The following ARB2A variants were observed in gnomAD, a reference collection of about 807,000 sequenced individuals.
The protein encoded by ARB2A is ARB2 cotranscriptional regulator A, also known as cotranscriptional regulator ARB2A.
At chr5:93,715,014 T>C in the ARB2A span, among the ~76,000 whole-genome samples, 78 of 152,308 alleles carry the variant, frequency 5.1e-4, no homozygotes, top group Admixed American at 9.8e-4. Flanking sequence ...TGCCTATATA[T>C]CCACAATATT....
the ARB2A span, among the ~76,000 whole-genome samples, chr5:94,110,174 C>T: frequency 2.0e-5 from 3 of 152,096 alleles, no homozygotes; most frequent in East Asian, 3.9e-4. Context: ...CGTGAGCCAC[C>T]GCGCCCTGCC....
At chr5:93,881,691 G>A in the ARB2A span, 1 of 1,479,674 alleles carries the variant, frequency 6.8e-7, no homozygotes, top group Admixed American at 2.4e-5. Flanking sequence ...TATCCTTCCT[G>A]TTTTGAAATG....
the ARB2A span, among the ~76,000 whole-genome samples, chr5:93,875,230 T>C: frequency 6.6e-6 from 1 of 152,036 alleles, no homozygotes; most frequent in Non-Finnish European, 1.5e-5. Context: ...CTCAGGTCTA[T>C]CGGACTGCTT....
the ARB2A span, among the ~76,000 whole-genome samples, chr5:93,899,172 T>A: frequency 6.6e-6 from 1 of 152,126 alleles, no homozygotes. Flanking sequence ...ATTAACTCTG[T>A]AATGACCATA....
the ARB2A span, among the ~76,000 whole-genome samples, chr5:93,939,472 G>T: frequency 6.6e-6 from 1 of 151,920 alleles, no homozygotes; most frequent in Non-Finnish European, 1.5e-5. Flanking sequence ...GAATTTAAAA[G>T]GATTATTTTA....
chr5:93,698,867 G>T, the ARB2A span, among the ~76,000 whole-genome samples: 1 of 152,170 alleles, frequency 6.6e-6, no homozygotes, highest in African/African-American at 2.4e-5. Flanking sequence ...AATAGATACT[G>T]CACAGTAACA....
the ARB2A span, chr5:93,741,375 A>T: frequency 6.2e-7 from 1 of 1,612,224 alleles, no homozygotes; most frequent in East Asian, 2.2e-5. Context: ...GACCCAGGGG[A>T]ATCCTCCACA....
chr5:94,087,081 T>C, the ARB2A span, among the ~76,000 whole-genome samples: 2 of 152,116 alleles, frequency 1.3e-5, no homozygotes, highest in Non-Finnish European at 2.9e-5. Context: ...ATCCTGACCC[T>C]GGGTAGGCCT....
At chr5:93,681,257 C>T in the ARB2A span, among the ~76,000 whole-genome samples, 5 of 152,170 alleles carry the variant, frequency 3.3e-5, no homozygotes, top group African/African-American at 4.8e-5. Flanking sequence ...TCTGAAACAA[C>T]GCGTCCTACA....
At chr5:93,766,988 A>C in the ARB2A span, among the ~76,000 whole-genome samples, 2 of 142,792 alleles carry the variant, frequency 1.4e-5, no homozygotes, top group Admixed American at 7.1e-5. Flanking sequence ...GCATTGAACA[A>C]TGAGAACACA....
the ARB2A span, among the ~76,000 whole-genome samples, chr5:94,101,536 A>T: frequency 6.6e-6 from 1 of 152,320 alleles, no homozygotes; most frequent in African/African-American, 2.4e-5. Context: ...TATGGAATCA[A>T]CCTAAATGCC....
At chr5:94,020,284 G>A in the ARB2A span, among the ~76,000 whole-genome samples, 3 of 151,948 alleles carry the variant, frequency 2.0e-5, no homozygotes, top group African/African-American at 7.3e-5. Flanking sequence ...TGGTGGGTAG[G>A]GGGCTGGGGA....
chr5:93,797,971 G>T, the ARB2A span, among the ~76,000 whole-genome samples: 1 of 152,028 alleles, frequency 6.6e-6, no homozygotes, highest in Non-Finnish European at 1.5e-5. Flanking sequence ...GGAGGAGAGT[G>T]AATGACATTT....
the ARB2A span, among the ~76,000 whole-genome samples, chr5:93,762,459 A>G: frequency 1.3e-5 from 2 of 152,240 alleles, no homozygotes; most frequent in Admixed American, 6.5e-5. Flanking sequence ...CAGTGATGGA[A>G]GATCAAATGA....
the ARB2A span, chr5:93,740,944 T>A: frequency 9.3e-6 from 15 of 1,613,872 alleles, no homozygotes; most frequent in Admixed American, 1.7e-5. Context: ...CCCAGACTGT[T>A]GCAGGATCAT....
the ARB2A span, among the ~76,000 whole-genome samples, chr5:94,085,489 C>T: frequency 2.6e-5 from 4 of 152,170 alleles, no homozygotes; most frequent in African/African-American, 4.8e-5. Context: ...ATTGTTGTTA[C>T]GGGCCTCCCA....
At chr5:94,060,699 A>G in the ARB2A span, among the ~76,000 whole-genome samples, 1 of 152,212 alleles carries the variant, frequency 6.6e-6, no homozygotes, top group Non-Finnish European at 1.5e-5. Context: ...CTAGACAAAG[A>G]CAGTACAAAA....
chr5:93,739,200 A>G, the ARB2A span: 3 of 151,906 alleles, frequency 2.0e-5, no homozygotes, highest in African/African-American at 7.3e-5. Flanking sequence ...CCTGGTTTGC[A>G]CTCTTGGGCC....
chr5:93,699,584 T>C, the ARB2A span, among the ~76,000 whole-genome samples: 1 of 152,016 alleles, frequency 6.6e-6, no homozygotes, highest in Non-Finnish European at 1.5e-5. Context: ...CTGCTGTCTA[T>C]TGAGTGCAAT....
Sources: gnomAD v4.1 joint callset for allele counts (sites outside exome capture counted in the v4.1 genomes callset) on GRCh38, gnomAD v4.1.1 for gene constraint, MANE v1.5 for transcripts, NCBI Gene and HGNC (gene_info 2026-07-23, HGNC 2026-07-21) for gene names.